Variants in CYFIP1 observed in about 807,000 individuals in gnomAD.
CYFIP1 encodes cytoplasmic FMR1-interacting protein 1.
In CYFIP1, 58 loss-of-function variants were observed where a neutral mutation model predicts 163.5. The observed-to-expected ratio is 0.35, with a 90% CI of 0.29 to 0.44. CYFIP1 has a LOEUF of 0.44. Ranked by LOEUF, CYFIP1 falls within the 20% of genes least tolerant of loss-of-function variation. The pLI, the probability that CYFIP1 is intolerant of heterozygous loss-of-function variation, is 1.00. For missense variants in CYFIP1, 1,338 were observed against 1,653.8 expected (o/e 0.81, Z 3.31); for synonymous variants, 663 against 660.7 (o/e 1.00, Z -0.05).
At chr15:22,963,494 AATAACATAAC>A (rs56889524) in intron 1 of CYFIP1, among the ~76,000 whole-genome samples, 33,948 of 137,866 alleles carry the variant, frequency 0.25, 4,355 homozygotes, top group Admixed American at 0.4. Context: ...CTGTTTCAAA[AATAACATAAC>A]ATAACATAAC....
At chr15:22,905,282 C>A (rs1420687248) in intron 21 of CYFIP1, 1 of 152,096 alleles carries the variant, frequency 6.6e-6, no homozygotes, top group Non-Finnish European at 1.5e-5. Flanking sequence ...TAGACACTTT[C>A]AAGGTGTCTT....
rs534098809 is a variant in CYFIP1 at position 22,874,501 on chromosome 15, G to C, written c.3210+49C>G. The C allele has an allele frequency of 2.6e-5, 37 of 1,443,482 alleles. 2 individuals carry two copies. The South Asian group carries it at 4.0e-4, about 15-fold the overall frequency. 89.4% of individuals were successfully genotyped at this position (1,443,482 alleles called of 1,614,324 possible). A position where few individuals can be genotyped will look rare whatever the true frequency, so the allele number is the denominator to read the frequency against. On this transcript the variant is annotated intron_variant, in intron 28 of 30. Coordinates refer to ENST00000617928, the MANE Select transcript of CYFIP1 (RefSeq NM_014608.6). Reference sequence around the variant, plus strand: ...GCTCCCAACCAGGCCACCTGGCCTGGCATGGATGCCCAGCTTGCAACAGCC... The same window carrying C: ...GCTCCCAACCAGGCCACCTGGCCTGCCATGGATGCCCAGCTTGCAACAGCC...
At chr15:22,891,953 G>T (rs961052673) in intron 23 of CYFIP1, among the ~76,000 whole-genome samples, 5 of 152,228 alleles carry the variant, frequency 3.3e-5, no homozygotes, top group Admixed American at 6.5e-5. Flanking sequence ...TTGGGCAGAT[G>T]GGGCAGACAA....
In CYFIP1 at chr15:22,917,799, A is replaced by T; in HGVS notation, c.1663T>A (p.Ser555Thr). The change falls in exon 15 of 31, where the codon TCC becomes ACC. Residue 555 changes from serine to threonine, a missense_variant. Physicochemically the swap from Ser to Thr is moderately conservative, Grantham distance 58. Coordinates refer to ENST00000617928, the MANE Select transcript of CYFIP1 (RefSeq NM_014608.6). This position sits in a 1 kb window ranked among gnomAD's most constrained non-coding sequence, Gnocchi z 4.2. ...IKVPRRAVGPSSTQLYMVRTM... is the reference protein window; with the variant it reads ...IKVPRRAVGPTSTQLYMVRTM... Reference sequence around the variant, plus strand: ...CAAGGGACGAGAACCTGAGTGCTGGAGGGTCCCACGGCGCGGCGTGGTACT... The same window carrying T: ...CAAGGGACGAGAACCTGAGTGCTGGTGGGTCCCACGGCGCGGCGTGGTACT... The T allele has an allele frequency of 6.2e-7, 1 of 1,609,212 alleles. No individual in the cohort carries two copies. Among genetic ancestry groups the T allele is most frequent in the East Asian group, 2.2e-5 (1 of 44,792 alleles).
At chr15:22,950,321 G>A (rs890014903) in intron 1 of CYFIP1, among the ~76,000 whole-genome samples, 2 of 152,152 alleles carry the variant, frequency 1.3e-5, no homozygotes, top group African/African-American at 4.8e-5. Flanking sequence ...AACCAGGCAA[G>A]CGCTGGCCAA....
intron 1 of CYFIP1, chr15:22,951,660 G>C: frequency 1.2e-6 from 1 of 807,950 alleles, no homozygotes; most frequent in Non-Finnish European, 1.7e-6. Context: ...AAGAAGACAG[G>C]TCGGACCGAG....
At chr15:22,925,043 T>A (rs2061314177) in intron 13 of CYFIP1, among the ~76,000 whole-genome samples, 1 of 152,156 alleles carries the variant, frequency 6.6e-6, no homozygotes, top group Non-Finnish European at 1.5e-5. Context: ...TTATTACTTT[T>A]CACTGTTGTA....
rs142150085 is a variant in CYFIP1 at position 22,880,681 on chromosome 15, A to G, written c.2912-638T>C. On this transcript the variant is annotated intron_variant, in intron 25 of 30. Coordinates refer to ENST00000617928, the MANE Select transcript of CYFIP1 (RefSeq NM_014608.6). ...TGAACGTGGCATCAGGAGGGGCCTA[A>G]ACTACCCTGGGAAGAGCAAAGCGGG... is the stretch of plus-strand genomic sequence containing the variant. Among the ~76,000 whole-genome samples, 654 of 152,318 alleles carry G rather than the reference A, an allele frequency of 4.3e-3. 2 individuals carry two copies. Among genetic ancestry groups the G allele is most frequent in the Non-Finnish European group, 6.1e-3 (412 of 68,016 alleles).
At position 22,910,576 on chromosome 15, in the gene CYFIP1, T is replaced by C. The variant is rs752867570; in HGVS notation, c.2212A>G (p.Ile738Val). The C allele has an allele frequency of 6.2e-7, 1 of 1,614,200 alleles. No homozygotes were observed. Among genetic ancestry groups the C allele is most frequent in the Non-Finnish European group, 8.5e-7 (1 of 1,180,024 alleles). ...TAGCGGTTAGACGGCGGGAGGTGGA[T>C]CGTGGCTCCCTGATTCTTGCATTCT... is the stretch of plus-strand genomic sequence containing the variant. ...RSECKNQGAT[I>V]HLPPSNRYET... Residue 738 changes from isoleucine (I) to valine (V), a missense_variant, in exon 20 of 31, where the codon ATC becomes GTC. Physicochemically the swap from Ile to Val is conservative, Grantham distance 29. Transcript: ENST00000617928.
Position 22,937,226 on chromosome 15 carries a change from G to A in CYFIP1, c.796-18C>T. On this transcript the variant is annotated intron_variant, in intron 8 of 30. Transcript: ENST00000617928. ...CCCATGACCTGAAAAGCCACAAAAT[G>A]AATGATGCGACAAAGCTCAGAACTG... 2 of 1,437,220 alleles carry A rather than the reference G, an allele frequency of 1.4e-6. No homozygotes were observed. Among genetic ancestry groups the A allele is most frequent in the Non-Finnish European group, 2.0e-6 (2 of 1,018,942 alleles). 89.0% of individuals were successfully genotyped at this position (1,437,220 alleles called of 1,614,324 possible).
chr15:22,892,480 G>A (rs925756219), intron 23 of CYFIP1, among the ~76,000 whole-genome samples: 3 of 152,180 alleles, frequency 2.0e-5, no homozygotes, highest in African/African-American at 4.8e-5. Flanking sequence ...CCGCTCCTCC[G>A]GTCAGGCCTT....
chr15:22,894,278 C>CT lies in CYFIP1; in HGVS notation c.2589-1302dup, dbSNP rs57603773. Reference sequence around the variant, plus strand: ...GCCACTTATATTACAGCAGACTTTTCTTTTTTTTTTTTTTTTTTTTTTTTT... The same window carrying CT: ...GCCACTTATATTACAGCAGACTTTTCTTTTTTTTTTTTTTTTTTTTTTTTTT... On this transcript the variant is annotated intron_variant, in intron 22 of 30. Coordinates refer to ENST00000617928, the MANE Select transcript of CYFIP1 (RefSeq NM_014608.6). Among the ~76,000 whole-genome samples, 545 of 65,486 alleles carry CT rather than the reference C, an allele frequency of 8.3e-3. 46 individuals carry two copies. Among genetic ancestry groups the CT allele is most frequent in the Non-Finnish European group, 0.011 (385 of 35,808 alleles). 43.0% of individuals were successfully genotyped at this position (65,486 alleles called of 152,430 possible).
chr15:22,928,385 AAAATAATAAATAAAT>A (rs1308286710), intron 11 of CYFIP1, among the ~76,000 whole-genome samples: 1 of 144,898 alleles, frequency 6.9e-6, no homozygotes, highest in Non-Finnish European at 1.5e-5. Flanking sequence ...TCCGTCTCAA[AAAATAATAAATAAAT>A]AAATAAATAA....
intron 1 of CYFIP1, among the ~76,000 whole-genome samples, chr15:22,957,754 C>G (rs2062528847): frequency 6.6e-6 from 1 of 152,228 alleles, no homozygotes; most frequent in African/African-American, 2.4e-5. Flanking sequence ...AGCTGATTTT[C>G]TTCCTCTTCT....
chr15:22,947,459 G>T, intron 1 of CYFIP1, 168 bp from the exon 2 acceptor site: 3 of 915,826 alleles, frequency 3.3e-6, no homozygotes, highest in Non-Finnish European at 4.8e-6. Flanking sequence ...CTCTCTCAGG[G>T]CACGTGGGCC....
intron 1 of CYFIP1, among the ~76,000 whole-genome samples, chr15:22,966,451 G>A (rs973778855): frequency 2.0e-5 from 3 of 151,576 alleles, no homozygotes; most frequent in Admixed American, 6.6e-5. Flanking sequence ...GGGAGAGGAC[G>A]GCCATCTGCA....
rs750716626 is a variant in CYFIP1, at chr15:22,873,586, G to A, written c.3354C>T (p.Val1118=). The A allele has an allele frequency of 3.7e-6, 6 of 1,614,224 alleles. No homozygotes were observed. Among genetic ancestry groups the A allele is most frequent in the Non-Finnish European group, 5.1e-6 (6 of 1,180,032 alleles). ...IWRGPLPSNG[V]MHVDECVEFH... The stretch of plus-strand genomic sequence containing the variant: ...ACTCCACACACTCGTCCACATGCAT[G>A]ACCCCATTGCTGGGCAGAGGCCCGC... Residue 1118 remains valine (V), a synonymous_variant, in exon 29 of 31, where the codon GTC becomes GTT. Transcript: ENST00000617928.
intron 1 of CYFIP1, among the ~76,000 whole-genome samples, chr15:22,970,226 T>TA (rs1042297789): frequency 1.3e-5 from 2 of 152,054 alleles, no homozygotes; most frequent in African/African-American, 4.8e-5. Context: ...AGTTTCAATT[T>TA]AAAAAAATAT....
intron 1 of CYFIP1, among the ~76,000 whole-genome samples, chr15:22,948,354 A>T (rs1235028480): frequency 6.6e-6 from 1 of 152,160 alleles, no homozygotes; most frequent in African/African-American, 2.4e-5. Flanking sequence ...AGCGGCACAC[A>T]GGGGGCAGGT....
Sources: gnomAD v4.1 joint callset for allele counts (sites outside exome capture counted in the v4.1 genomes callset) on GRCh38, gnomAD v4.1.1 for gene constraint, Gnocchi (gnomAD v3.1) non-coding constraint, MANE v1.5 for transcripts, NCBI Gene and HGNC (gene_info 2026-07-23, HGNC 2026-07-21) for gene names.